Variants in PUS10 observed in about 807,000 individuals in gnomAD.
PUS10 encodes the protein pseudouridine synthase 10.
PUS10 carries 59 observed loss-of-function variants against 75.0 expected under a neutral mutation model. That is an observed-to-expected ratio of 0.79 (90% CI 0.64 to 0.98). The LOEUF (loss-of-function observed/expected upper bound fraction) is 0.98. PUS10 is among the 50% of genes least tolerant of loss of function. The pLI, the probability that PUS10 is intolerant of heterozygous loss-of-function variation, is 0.00. For missense variants in PUS10, 650 were observed against 614.4 expected (o/e 1.06, Z -0.61); for synonymous variants, 219 against 211.6 (o/e 1.03, Z -0.30).
chr2:60,967,191 A>G lies in PUS10; in HGVS notation c.615+311T>C, dbSNP rs376845556. On this transcript the variant is annotated intron_variant, in intron 6 of 17. Coordinates refer to ENST00000316752, the MANE Select transcript of PUS10 (RefSeq NM_144709.4). ...ACTCTATATTTGCTTGCAGTTATTT[A>G]TATGTTGCTTTGCATCAAGTCTGAT... is the stretch of plus-strand genomic sequence containing the variant. 3 of 247,232 alleles carry G rather than the reference A, an allele frequency of 1.2e-5. No individual in the cohort carries two copies. The South Asian group carries it at 1.3e-4, about 11-fold the overall frequency. The allele number at this position is 247,232 out of a possible 1,614,324, so 15.3% of individuals were successfully genotyped here. A position where few individuals can be genotyped will look rare whatever the true frequency, so the allele number is the denominator to read the frequency against.
intron 2 of PUS10, 72 bp from the exon 3 acceptor site, chr2:61,009,087 C>T (rs1233052634): frequency 1.5e-6 from 2 of 1,366,390 alleles, no homozygotes. Context: ...TAAGATGAAA[C>T]AAGAAAACAT....
At chr2:61,017,673 G>C in intron 1 of PUS10, 3 of 1,087,174 alleles carry the variant, frequency 2.8e-6, no homozygotes, top group Non-Finnish European at 4.0e-6. Context: ...TCGGTGTTCT[G>C]CCCGTTGTGT....
At chr2:61,016,863 C>G (rs1309360729) in intron 1 of PUS10, among the ~76,000 whole-genome samples, 3 of 152,128 alleles carry the variant, frequency 2.0e-5, no homozygotes, top group Non-Finnish European at 4.4e-5. Flanking sequence ...CGTAACGCGG[C>G]GTGGGGCTGG....
chr2:60,970,637 C>T (rs1447097380), intron 5 of PUS10, among the ~76,000 whole-genome samples: 1 of 152,048 alleles, frequency 6.6e-6, no homozygotes, highest in Non-Finnish European at 1.5e-5. Flanking sequence ...TTATGTAGTA[C>T]CACCCCAGAG....
chr2:60,954,765 G>T (rs1009669534), intron 12 of PUS10, among the ~76,000 whole-genome samples: 2 of 152,176 alleles, frequency 1.3e-5, no homozygotes, highest in Non-Finnish European at 2.9e-5. Flanking sequence ...GCACCTCTTT[G>T]TTAATGCACA....
chr2:60,980,831 C>A (rs1677340117), intron 4 of PUS10, among the ~76,000 whole-genome samples: 1 of 152,132 alleles, frequency 6.6e-6, no homozygotes, highest in Non-Finnish European at 1.5e-5. Flanking sequence ...CAGGCACCTT[C>A]AAAAAAATTA....
At chr2:60,967,660 T>C (rs1676424033) in intron 5 of PUS10, 47 bp from the exon 6 acceptor site, 7 of 1,360,310 alleles carry the variant, frequency 5.1e-6, no homozygotes, top group African/African-American at 2.9e-5. Flanking sequence ...ACTTTACTTT[T>C]TCTATTAAAG....
At chr2:61,009,101 T>A in intron 2 of PUS10, 86 bp from the exon 3 acceptor site, 1 of 1,233,760 alleles carries the variant, frequency 8.1e-7, no homozygotes, top group Non-Finnish European at 1.1e-6. Flanking sequence ...AAAACATGAG[T>A]GAAAATTAGG....
At chr2:61,008,423 G>A (rs547605803) in intron 3 of PUS10, among the ~76,000 whole-genome samples, 10 of 152,066 alleles carry the variant, frequency 6.6e-5, no homozygotes, top group Non-Finnish European at 7.4e-5. Context: ...CCTGGGAGGC[G>A]GAGGCTGCGA....
chr2:61,004,445 G>A (rs1679065417), intron 4 of PUS10, among the ~76,000 whole-genome samples: 1 of 151,868 alleles, frequency 6.6e-6, no homozygotes, highest in Non-Finnish European at 1.5e-5. Context: ...TGGCTAACAC[G>A]GTGAAACCCC....
chr2:61,013,214 C>G (rs1679743390), intron 1 of PUS10, among the ~76,000 whole-genome samples: 1 of 150,668 alleles, frequency 6.6e-6, no homozygotes, highest in Non-Finnish European at 1.5e-5. Context: ...GATCATGCCA[C>G]TGTACTCCAA....
chr2:60,989,307 T>C (rs1677927109), intron 4 of PUS10, among the ~76,000 whole-genome samples: 1 of 152,174 alleles, frequency 6.6e-6, no homozygotes, highest in African/African-American at 2.4e-5. Flanking sequence ...TGCAGCCAGG[T>C]GAATGTCCCT....
intron 4 of PUS10, among the ~76,000 whole-genome samples, chr2:61,003,766 G>A (rs1195252199): frequency 2.6e-5 from 4 of 151,886 alleles, no homozygotes; most frequent in Non-Finnish European, 4.4e-5. Flanking sequence ...GGCTGGTCTT[G>A]AACTGACTCA....
At chr2:60,963,632 C>T (rs1457130879) in intron 8 of PUS10, among the ~76,000 whole-genome samples, 1 of 152,188 alleles carries the variant, frequency 6.6e-6, no homozygotes, top group Admixed American at 6.5e-5. Flanking sequence ...AACAGTATAT[C>T]ACCAAAGGAA....
At chr2:60,973,009 T>A (rs1360938533) in intron 4 of PUS10, among the ~76,000 whole-genome samples, 2 of 152,176 alleles carry the variant, frequency 1.3e-5, no homozygotes, top group Non-Finnish European at 2.9e-5. Flanking sequence ...CAGGAGGGGT[T>A]GTGGGAGCAG....
rs543225163 is a variant in PUS10 at position 60,946,828 on chromosome 2, C to A, written c.1451+1215G>T. Among the ~76,000 whole-genome samples, 132 of 130,200 alleles carry A rather than the reference C, an allele frequency of 1.0e-3. 1 individual carries two copies. Among genetic ancestry groups the A allele is most frequent in the African/African-American group, 3.6e-3 (120 of 33,000 alleles). The allele number at this position is 130,200 out of a possible 152,430, so 85.4% of individuals were successfully genotyped here. On this transcript the variant is annotated intron_variant, in intron 16 of 17. Transcript: ENST00000316752. ...TTGCTTTTTTCCCATATATATATAT[C>A]TAGTGTGTGTGTGTAATATATATAT...
chr2:60,949,898 G>T (rs754619801), intron 15 of PUS10, among the ~76,000 whole-genome samples: 1 of 152,118 alleles, frequency 6.6e-6, no homozygotes, highest in East Asian at 1.9e-4. Context: ...GATTACAGAC[G>T]TGAGCCACTG....
chr2:61,006,870 A>G (rs1181829374), intron 3 of PUS10, among the ~76,000 whole-genome samples: 1 of 152,234 alleles, frequency 6.6e-6, no homozygotes, highest in African/African-American at 2.4e-5. Flanking sequence ...TAACAGCTTC[A>G]GAATAAACTG....
chr2:61,011,915 AAAG>A lies in PUS10; in HGVS notation c.-15-13_-15-11del, dbSNP rs757585893. 52 of 1,584,306 alleles carry A rather than the reference AAAG, an allele frequency of 3.3e-5. No individual in the cohort carries two copies. In the African/African-American group the frequency reaches 6.7e-4, roughly 20 times the overall value. Reference sequence around the variant, plus strand: ...TATTGAATAATTATAACTAGAAAGAAAAGAAGTAAAACTAATGAGCAGCTTCTG... The same window carrying A: ...TATTGAATAATTATAACTAGAAAGAAAAGTAAAACTAATGAGCAGCTTCTG... On this transcript the variant is annotated splice_polypyrimidine_tract_variant and intron_variant, in intron 1 of 17. Coordinates refer to ENST00000316752, the MANE Select transcript of PUS10 (RefSeq NM_144709.4).
Sources: gnomAD v4.1 joint callset for allele counts (sites outside exome capture counted in the v4.1 genomes callset) on GRCh38, gnomAD v4.1.1 for gene constraint, MANE v1.5 for transcripts, NCBI Gene and HGNC (gene_info 2026-07-23, HGNC 2026-07-21) for gene names.